The following GABBR1 variants were observed in gnomAD, a reference collection of about 807,000 sequenced individuals.
GABBR1 encodes gamma-aminobutyric acid type B receptor subunit 1.
GABBR1 carries 35 observed loss-of-function variants against 117.7 expected under a neutral mutation model. The ratio of observed to expected loss-of-function variants is 0.30; its 90% CI spans 0.23 to 0.39. The LOEUF (loss-of-function observed/expected upper bound fraction) is 0.39. GABBR1 is among the 10% of genes least tolerant of loss of function. The pLI is 1.00. For missense variants in GABBR1, 709 were observed against 1,241.8 expected (o/e 0.57, Z 6.45); for synonymous variants, 442 against 486.6 (o/e 0.91, Z 1.21).
At position 29,629,284 on chromosome 6, in the gene GABBR1, G is replaced by T. The variant is rs1051827692; in HGVS notation, c.476-177C>A. ...AACAAGGTGGGTCTGGGGGTAAGGG[G>T]GTCAGGACTTATTTTCTTCTTCGAT... On this transcript the variant is annotated intron_variant, in intron 4 of 22. Coordinates refer to ENST00000377034, the MANE Select transcript of GABBR1 (RefSeq NM_001470.4). The T allele has an allele frequency of 4.2e-6, 3 of 722,448 alleles. No individual in the cohort carries two copies. In the Admixed American group the frequency reaches 6.1e-5, roughly 15 times the overall value. 44.8% of individuals were successfully genotyped at this position (722,448 alleles called of 1,614,324 possible).
chr6:29,604,869 A>G lies in GABBR1; in HGVS notation c.2559T>C (p.Phe853=), dbSNP rs530061014. 71 of 1,612,616 alleles carry G rather than the reference A, an allele frequency of 4.4e-5. No homozygotes were observed. The Admixed American group carries it at 1.1e-3, about 24-fold the overall frequency. The change falls in exon 21 of 23, where the codon TTT becomes TTC. Residue 853 remains phenylalanine (F), a synonymous_variant. Transcript: ENST00000377034. The surrounding 1 kb of genome is among the most constrained non-coding windows in gnomAD (Gnocchi z 5.3). ...AAAGCCAGATCCTTACCTTGGGCAC[A>G]AAGAGCACAACAAGAGTGATATAGG... ...FSSYITLVVL[F]VPKMRRLITR... is the part of the protein sequence containing the mutation.
At position 29,605,979 on chromosome 6, in the gene GABBR1, G is replaced by C. The variant is rs972543458; in HGVS notation, c.2312-283C>G. 2 of 555,220 alleles carry C rather than the reference G, an allele frequency of 3.6e-6. No individual in the cohort carries two copies. The highest frequency in any genetic ancestry group is 6.4e-5 in the Admixed American group (2 of 31,304). The allele number at this position is 555,220 out of a possible 1,614,324, so 34.4% of individuals were successfully genotyped here. On this transcript the variant is annotated intron_variant, in intron 19 of 22. Coordinates refer to ENST00000377034, the MANE Select transcript of GABBR1 (RefSeq NM_001470.4). The surrounding 1 kb of genome is among the most constrained non-coding windows in gnomAD (Gnocchi z 4.2). ...TTGTTGAATATCTAGAAATAGGCCA[G>C]TCTGGGCCACACATGCCTCACCCTT...
intron 6 of GABBR1, among the ~76,000 whole-genome samples, chr6:29,625,938 A>C (rs1344807889): frequency 2.0e-5 from 3 of 151,994 alleles, no homozygotes; most frequent in Admixed American, 2.0e-4. Flanking sequence ...CCTAATACCT[A>C]ATTATTTTCC....
chr6:29,605,378 G>T lies in GABBR1; in HGVS notation c.2439+191C>A. The T allele has an allele frequency of 1.5e-6, 1 of 674,860 alleles. No individual in the cohort carries two copies. The highest frequency in any genetic ancestry group is 2.5e-6 in the Non-Finnish European group (1 of 394,550). 41.8% of individuals were successfully genotyped at this position (674,860 alleles called of 1,614,324 possible). A position where few individuals can be genotyped will look rare whatever the true frequency, so the allele number is the denominator to read the frequency against. ...CTAATATCTACTTCACTGGGTAGTT[G>T]CAAGATTAATGATACAATGTCTGTA... On this transcript the variant is annotated intron_variant, in intron 20 of 22. Transcript: ENST00000377034. This position sits in a 1 kb window ranked among gnomAD's most constrained non-coding sequence, Gnocchi z 4.2.
Position 29,605,493 on chromosome 6 carries a change from T to C in GABBR1, c.2439+76A>G, listed in dbSNP as rs1167149223. 2 of 1,539,594 alleles carry C rather than the reference T, an allele frequency of 1.3e-6. No homozygotes were observed. The highest frequency in any genetic ancestry group is 1.2e-5 in the South Asian group (1 of 84,244). ...TAAGCAACCGATCCCAGATCTAGCA[T>C]TGATTCTTCCTAGTCCTCTATATCT... On this transcript the variant is annotated intron_variant, in intron 20 of 22. Transcript: ENST00000377034. The surrounding 1 kb of genome is among the most constrained non-coding windows in gnomAD (Gnocchi z 4.2).
At chr6:29,616,972 C>T (rs1763191322) in intron 11 of GABBR1, among the ~76,000 whole-genome samples, 2 of 144,196 alleles carry the variant, frequency 1.4e-5, no homozygotes, top group Admixed American at 1.4e-4. Context: ...ACGGTGAAAC[C>T]CCGTCTCTAC....
rs1763804265 is a variant in GABBR1, at chr6:29,622,028, C to T, written c.1065+76G>A. The T allele has an allele frequency of 7.4e-7, 1 of 1,354,532 alleles. No homozygotes were observed. Among genetic ancestry groups the T allele is most frequent in the Non-Finnish European group, 1.1e-6 (1 of 949,400 alleles). The allele number at this position is 1,354,532 out of a possible 1,614,324, so 83.9% of individuals were successfully genotyped here. The stretch of plus-strand genomic sequence containing the variant: ...AGAATCAAAACCTGCCCCCGCCTGG[C>T]TTTCCTCTCCAACCAGTCACTGTCC... On this transcript the variant is annotated intron_variant, in intron 9 of 22. Coordinates refer to ENST00000377034, the MANE Select transcript of GABBR1 (RefSeq NM_001470.4). The surrounding 1 kb of genome is among the most constrained non-coding windows in gnomAD (Gnocchi z 4.6).
At chr6:29,626,491 AG>A (rs975414469) in intron 6 of GABBR1, among the ~76,000 whole-genome samples, 3 of 151,838 alleles carry the variant, frequency 2.0e-5, no homozygotes, top group African/African-American at 7.3e-5. Context: ...TTATTCATGT[AG>A]GGGAGAGGGG....
In GABBR1 at chr6:29,631,675, A is replaced by G. The variant is rs1006418928; in HGVS notation, c.86-76T>C. ...AAAGGCAGGCTCCCCAGTGGGAGGA[A>G]GGGGAGAGTAGGGCGTGGTCTGTGG... On this transcript the variant is annotated intron_variant, in intron 2 of 22. Coordinates refer to ENST00000377034, the MANE Select transcript of GABBR1 (RefSeq NM_001470.4). The surrounding 1 kb of genome is among the most constrained non-coding windows in gnomAD (Gnocchi z 5.9). 17 of 1,275,424 alleles carry G rather than the reference A, an allele frequency of 1.3e-5. No individual in the cohort carries two copies. The African/African-American group carries it at 2.3e-4, about 18-fold the overall frequency. 79.0% of individuals were successfully genotyped at this position (1,275,424 alleles called of 1,614,324 possible).
In GABBR1 at chr6:29,627,960, C is replaced by T; in HGVS notation, c.497-314G>A. The T allele has an allele frequency of 7.4e-7, 1 of 1,346,878 alleles. No homozygotes were observed. The highest frequency in any genetic ancestry group is 4.0e-5 in the Admixed American group (1 of 25,168). 83.4% of individuals were successfully genotyped at this position (1,346,878 alleles called of 1,614,324 possible). ...CAGGGAAGGTTGGCTTCCTACGGCC[C>T]CCGCGGCTCTCGCCACCGTCGCCGC... On this transcript the variant is annotated intron_variant, in intron 5 of 22. Transcript: ENST00000377034. This position sits in a 1 kb window ranked among gnomAD's most constrained non-coding sequence, Gnocchi z 4.4.
At position 29,632,201 on chromosome 6, in the gene GABBR1, T is replaced by C; in HGVS notation, c.85+100A>G. ...AAGGGGTTGCCAGACCGGGATGATATGTGGGACTGATGGGATAGTGATGAG... is the reference window on the plus strand; with the variant it reads ...AAGGGGTTGCCAGACCGGGATGATACGTGGGACTGATGGGATAGTGATGAG... On this transcript the variant is annotated intron_variant, in intron 2 of 22. Transcript: ENST00000377034. The surrounding 1 kb of genome is among the most constrained non-coding windows in gnomAD (Gnocchi z 5.8). 1 of 709,528 alleles carries C rather than the reference T, an allele frequency of 1.4e-6. No homozygotes were observed. The highest frequency in any genetic ancestry group is 2.2e-6 in the Non-Finnish European group (1 of 463,502). The allele number at this position is 709,528 out of a possible 1,614,324, so 44.0% of individuals were successfully genotyped here. A position where few individuals can be genotyped will look rare whatever the true frequency, so the allele number is the denominator to read the frequency against.
intron 6 of GABBR1, 188 bp from the exon 7 acceptor site, chr6:29,624,212 CT>C (rs1308526032): frequency 1.1e-5 from 6 of 561,000 alleles, no homozygotes; most frequent in African/African-American, 1.9e-5. Flanking sequence ...TTTCATTAAA[CT>C]TCCTTCTCTG....
chr6:29,608,982 C>A (rs1282996768), intron 15 of GABBR1, among the ~76,000 whole-genome samples: 5 of 152,146 alleles, frequency 3.3e-5, no homozygotes, highest in Non-Finnish European at 7.4e-5. Flanking sequence ...ATGTAGAGTC[C>A]AAGACTGTGA....
intron 12 of GABBR1, 64 bp from the exon 13 acceptor site, chr6:29,612,678 G>T: frequency 1.5e-6 from 2 of 1,336,142 alleles, no homozygotes; most frequent in Non-Finnish European, 2.2e-6. Context: ...GAGAACATCA[G>T]GGACTCTTTA....
At position 29,627,402 on chromosome 6, in the gene GABBR1, TCAGA is replaced by T; in HGVS notation, c.657+80_657+83del. 7.2e-7 allele frequency: 1 copy of T among 1,383,348 alleles called. No individual in the cohort carries two copies. The allele number at this position is 1,383,348 out of a possible 1,614,324, so 85.7% of individuals were successfully genotyped here. A position where few individuals can be genotyped will look rare whatever the true frequency, so the allele number is the denominator to read the frequency against. On this transcript the variant is annotated intron_variant, in intron 6 of 22. Transcript: ENST00000377034. This position sits in a 1 kb window ranked among gnomAD's most constrained non-coding sequence, Gnocchi z 4.4. ...TCTGCCTCGCAATCCCAGAGACGAC[TCAGA>T]CAGATGGGGGCGCGTGCAGCTGGCT...
chr6:29,626,713 C>G (rs1444293038), intron 6 of GABBR1, among the ~76,000 whole-genome samples: 1 of 151,858 alleles, frequency 6.6e-6, no homozygotes, highest in African/African-American at 2.4e-5. Flanking sequence ...ACGCTACCTC[C>G]TTGCCCCTCT....
rs771060262 is a variant in GABBR1, at chr6:29,604,611, T to C, written c.2595A>G (p.Glu865=). The change falls in exon 22 of 23, where the codon GAA becomes GAG. Residue 865 remains glutamate (E), a synonymous_variant. Transcript: ENST00000377034. This position sits in a 1 kb window ranked among gnomAD's most constrained non-coding sequence, Gnocchi z 5.3. ...TGGTGTCCTGCGCCTCCGACTGCCATTCCCCTCGGGTGATCAGCCTGCGCA... is the reference window on the plus strand; with the variant it reads ...TGGTGTCCTGCGCCTCCGACTGCCACTCCCCTCGGGTGATCAGCCTGCGCA... ...PKMRRLITRG[E]WQSEAQDTMK... is the part of the protein sequence containing the mutation. The C allele has an allele frequency of 2.5e-6, 4 of 1,613,276 alleles. No homozygotes were observed. The Admixed American group carries it at 6.7e-5, about 27-fold the overall frequency.
At chr6:29,615,291 CAAAA>C (rs28751301) in intron 11 of GABBR1, among the ~76,000 whole-genome samples, 1 of 86,738 alleles carries the variant, frequency 1.2e-5, no homozygotes. Context: ...GACTCCGTCT[CAAAA>C]AAAAAAAAAA....
chr6:29,632,244 T>C lies in GABBR1; in HGVS notation c.85+57A>G. ...GTGATGAGGACCAGAAATGAGGAGA[T>C]GCAGGGAAAGGGAAGTGGAGCGAAG... is the stretch of plus-strand genomic sequence containing the variant. On this transcript the variant is annotated intron_variant, in intron 2 of 22. Coordinates refer to ENST00000377034, the MANE Select transcript of GABBR1 (RefSeq NM_001470.4). This position sits in a 1 kb window ranked among gnomAD's most constrained non-coding sequence, Gnocchi z 5.8. 2 of 1,027,356 alleles carry C rather than the reference T, an allele frequency of 1.9e-6. No homozygotes were observed. Among genetic ancestry groups the C allele is most frequent in the Non-Finnish European group, 2.7e-6 (2 of 744,524 alleles). The allele number at this position is 1,027,356 out of a possible 1,614,324, so 63.6% of individuals were successfully genotyped here.
Sources: allele counts gnomAD v4.1 joint callset (sites outside exome capture counted in the v4.1 genomes callset), GRCh38; gene constraint gnomAD v4.1.1; non-coding constraint Gnocchi (gnomAD v3.1); transcripts MANE v1.5; gene names NCBI Gene and HGNC (gene_info 2026-07-23, HGNC 2026-07-21).